KLRG1: variants seen among roughly 807,000 people sequenced by gnomAD.
KLRG1 encodes killer cell lectin like receptor G1, also known as killer cell lectin-like receptor subfamily G member 1.
A neutral mutation model predicts 21.8 loss-of-function variants in KLRG1; 16 were observed. The ratio of observed to expected loss-of-function variants is 0.73; its 90% CI spans 0.50 to 1.11. KLRG1 has a LOEUF of 1.11. KLRG1 is among the 50% of genes most tolerant of loss of function. The probability of loss-of-function intolerance (pLI) is 0.00; values close to 1 mark genes in which losing one functional copy is unlikely to be tolerated. For synonymous variants in KLRG1, 69 were observed against 75.9 expected (o/e 0.91, Z 0.47); for missense variants, 173 against 218.3 (o/e 0.79, Z 1.31).
intron 3 of KLRG1, among the ~76,000 whole-genome samples, chr12:8,997,795 T>C (rs1334020956): frequency 6.6e-6 from 1 of 152,114 alleles, no homozygotes; most frequent in African/African-American, 2.4e-5. Flanking sequence ...TCTTTTTTTT[T>C]TTCTTTTTGA....
the KLRG1 span, among the ~76,000 whole-genome samples, chr12:9,196,161 GTT>G: frequency 2.0e-5 from 3 of 152,118 alleles, no homozygotes; most frequent in African/African-American, 7.2e-5. Context: ...GTATGTGTCT[GTT>G]TGTTTCATCA....
chr12:9,011,432 G>A (rs1054632063), downstream of KLRG1, among the ~76,000 whole-genome samples: 5 of 151,996 alleles, frequency 3.3e-5, no homozygotes, highest in Non-Finnish European at 7.3e-5. Flanking sequence ...TTGCACAGTG[G>A]ACTTCTTTGA....
the KLRG1 span, chr12:9,079,640 A>G: frequency 6.2e-7 from 1 of 1,611,676 alleles, no homozygotes; most frequent in Non-Finnish European, 8.5e-7. Flanking sequence ...ATCACTCACC[A>G]GTGTTGAGAT....
chr12:8,956,428 A>T (rs760894952), intron 1 of KLRG1, among the ~76,000 whole-genome samples: 2 of 152,140 alleles, frequency 1.3e-5, no homozygotes, highest in East Asian at 3.9e-4. Context: ...ACATGCTGTA[A>T]CACCCCCCAC....
chr12:9,138,584 T>TA, the KLRG1 span, among the ~76,000 whole-genome samples: 3 of 151,976 alleles, frequency 2.0e-5, no homozygotes, highest in Non-Finnish European at 4.4e-5. Context: ...GGCACTTTTT[T>TA]AAAAAAATGT....
chr12:9,165,103 C>G, the KLRG1 span: 3 of 1,594,160 alleles, frequency 1.9e-6, no homozygotes, highest in South Asian at 2.2e-5. Flanking sequence ...ATCTTTTGTT[C>G]TACCCACCTT....
chr12:8,979,832 T>G (rs1469094156), intron 1 of KLRG1, among the ~76,000 whole-genome samples: 1 of 152,186 alleles, frequency 6.6e-6, no homozygotes. Context: ...TCAAGTCTGC[T>G]GTTGAAGCTC....
chr12:8,994,262 C>T (rs1392869691), intron 2 of KLRG1, among the ~76,000 whole-genome samples: 1 of 152,050 alleles, frequency 6.6e-6, no homozygotes, highest in Non-Finnish European at 1.5e-5. Context: ...GATGAGGTTT[C>T]ACCATGTTGG....
At chr12:9,119,048 G>T in the KLRG1 span, among the ~76,000 whole-genome samples, 1 of 152,202 alleles carries the variant, frequency 6.6e-6, no homozygotes, top group African/African-American at 2.4e-5. Flanking sequence ...AGGTCTCTGA[G>T]TCCCACGGAA....
the KLRG1 span, among the ~76,000 whole-genome samples, chr12:9,018,562 C>T: frequency 6.6e-6 from 1 of 151,748 alleles, no homozygotes; most frequent in African/African-American, 2.4e-5. Context: ...GCTGAGAAAA[C>T]TGGATATTCA....
the KLRG1 span, chr12:9,110,056 T>C: frequency 2.6e-6 from 4 of 1,546,358 alleles, no homozygotes; most frequent in Non-Finnish European, 3.5e-6. Context: ...AAATTAATTA[T>C]AACTTACAAA....
intron 1 of KLRG1, among the ~76,000 whole-genome samples, chr12:8,978,395 C>T (rs1161530659): frequency 6.6e-6 from 1 of 152,024 alleles, no homozygotes; most frequent in Non-Finnish European, 1.5e-5. Flanking sequence ...ACTATGTTGC[C>T]CAGATGTGGG....
chr12:9,162,888 G>A, the KLRG1 span, among the ~76,000 whole-genome samples: 1 of 152,148 alleles, frequency 6.6e-6, no homozygotes, highest in African/African-American at 2.4e-5. Flanking sequence ...TAGGGATTAA[G>A]CCCAGCATCC....
the KLRG1 span, among the ~76,000 whole-genome samples, chr12:9,197,957 TTTATATA>T: frequency 8.9e-5 from 12 of 134,392 alleles, no homozygotes; most frequent in African/African-American, 3.0e-4. Flanking sequence ...ATATTACATA[TTTATATA>T]TTATATATTA....
the KLRG1 span, chr12:9,203,985 C>G: frequency 6.4e-7 from 1 of 1,551,808 alleles, no homozygotes; most frequent in Non-Finnish European, 8.8e-7. Context: ...TAGAGAAAAA[C>G]TGATGATAGT....
At chr12:9,104,618 T>A in the KLRG1 span, among the ~76,000 whole-genome samples, 1 of 151,998 alleles carries the variant, frequency 6.6e-6, no homozygotes, top group Non-Finnish European at 1.5e-5. Flanking sequence ...ATACACTAAT[T>A]TAGTAGTAAT....
At chr12:9,192,413 G>T in the KLRG1 span, 1 of 1,288,678 alleles carries the variant, frequency 7.8e-7, no homozygotes, top group South Asian at 1.3e-5. Flanking sequence ...AGAACACAAG[G>T]TGGCTGTGTG....
At chr12:9,072,113 T>G in the KLRG1 span, among the ~76,000 whole-genome samples, 5 of 152,220 alleles carry the variant, frequency 3.3e-5, no homozygotes, top group Non-Finnish European at 7.3e-5. Flanking sequence ...AGGCAATGGG[T>G]AATATTTACT....
intron 1 of KLRG1, among the ~76,000 whole-genome samples, chr12:8,954,114 G>C (rs144707864): frequency 2.0e-5 from 3 of 152,034 alleles, no homozygotes; most frequent in Admixed American, 1.3e-4. Flanking sequence ...AAGATGTTCC[G>C]ATTTTATCTT....
Sources: gnomAD v4.1 joint callset for allele counts (sites outside exome capture counted in the v4.1 genomes callset) on GRCh38, gnomAD v4.1.1 for gene constraint, MANE v1.5 for transcripts, NCBI Gene and HGNC (gene_info 2026-07-23, HGNC 2026-07-21) for gene names.